GDI2: variants seen among roughly 807,000 people sequenced by gnomAD.
The protein encoded by GDI2 is rab GDP dissociation inhibitor beta.
Under a neutral mutation model 54.2 loss-of-function variants are expected in GDI2, and 22 were observed. The ratio of observed to expected loss-of-function variants is 0.41; its 90% CI spans 0.29 to 0.58. GDI2 has a LOEUF of 0.58. Among genes scored for constraint, GDI2 ranks in the 20% least tolerant of loss-of-function variants. The pLI, the probability that GDI2 is intolerant of heterozygous loss-of-function variation, is 0.35. For missense variants in GDI2, 422 were observed against 546.0 expected (o/e 0.77, Z 2.26); for synonymous variants, 177 against 182.1 (o/e 0.97, Z 0.23).
rs1588968377 is a variant in GDI2, at chr10:5,774,024, C to G, written c.720-83G>C. The G allele has an allele frequency of 1.5e-6, 1 of 652,270 alleles. No homozygotes were observed. The highest frequency in any genetic ancestry group is 2.7e-6 in the Non-Finnish European group (1 of 372,362). 40.4% of individuals were successfully genotyped at this position (652,270 alleles called of 1,614,324 possible). A position where few individuals can be genotyped will look rare whatever the true frequency, so the allele number is the denominator to read the frequency against. On this transcript the variant is annotated intron_variant, in intron 6 of 10. Coordinates refer to ENST00000380191, the MANE Select transcript of GDI2 (RefSeq NM_001494.4). This position sits in a 1 kb window ranked among gnomAD's most constrained non-coding sequence, Gnocchi z 4.8. ...CCCTTTCTTAGATCTTAATGAGTTA[C>G]AGACAATATACATTTGTTCAATTTC...
chr10:5,794,187 AAATATAT>A (rs1381388315), intron 4 of GDI2, among the ~76,000 whole-genome samples: 955 of 40,182 alleles, frequency 0.024, 4 homozygotes, highest in Non-Finnish European at 0.027. Flanking sequence ...AAAAAAAAAA[AAATATAT>A]ATATATATAT....
At chr10:5,785,746 T>C (rs1428776408) in intron 5 of GDI2, 106 bp downstream of exon 5, 9 of 705,174 alleles carry the variant, frequency 1.3e-5, no homozygotes, top group Admixed American at 2.4e-5. Flanking sequence ...TCATTCATAG[T>C]GCAATATGGC....
At chr10:5,783,154 T>C (rs1840799438) in intron 6 of GDI2, among the ~76,000 whole-genome samples, 1 of 152,188 alleles carries the variant, frequency 6.6e-6, no homozygotes, top group Admixed American at 6.5e-5. Flanking sequence ...GAAAATGTTC[T>C]ATACCTTCAC....
chr10:5,812,814 G>A (rs1017410136), intron 1 of GDI2, among the ~76,000 whole-genome samples: 1 of 152,232 alleles, frequency 6.6e-6, no homozygotes, highest in Non-Finnish European at 1.5e-5. Context: ...CAACCGCGAG[G>A]CCTGCACCGT....
intron 1 of GDI2, among the ~76,000 whole-genome samples, chr10:5,809,060 T>C (rs766331252): frequency 3.3e-5 from 5 of 151,902 alleles, no homozygotes; most frequent in Non-Finnish European, 7.4e-5. Context: ...GCCTGATCAA[T>C]ATGGTGAAAC....
At position 5,768,403 on chromosome 10, in the gene GDI2, G is replaced by GAAGA; in HGVS notation, c.820-23_820-20dup. ...GAGCAATCTATAACAAAGCATTTAA[G>GAAGA]AAGACACTGAAGCGGACAAGGATAT... On this transcript the variant is annotated intron_variant, in intron 7 of 10. Transcript: ENST00000380191. The surrounding 1 kb of genome is among the most constrained non-coding windows in gnomAD (Gnocchi z 4.4). 6.6e-7 allele frequency: 1 copy of GAAGA among 1,519,870 alleles called. No individual in the cohort carries two copies. The allele number at this position is 1,519,870 out of a possible 1,614,324, so 94.1% of individuals were successfully genotyped here.
rs574714654 is a variant in GDI2, at chr10:5,779,203, G to A, written c.720-5262C>T. ...TGTACTCAAAACAGTCAAGTAAATA[G>A]AGAATATCACAAAAATGAAAACTAT... is the stretch of plus-strand genomic sequence containing the variant. On this transcript the variant is annotated intron_variant, in intron 6 of 10. Coordinates refer to ENST00000380191, the MANE Select transcript of GDI2 (RefSeq NM_001494.4). Among the ~76,000 whole-genome samples the A allele has an allele frequency of 2.6e-5, 4 of 152,222 alleles. No individual in the cohort carries two copies. In the East Asian group the frequency reaches 7.7e-4, roughly 29 times the overall value.
chr10:5,789,687 T>C (rs558707821), intron 4 of GDI2, among the ~76,000 whole-genome samples: 2 of 152,316 alleles, frequency 1.3e-5, no homozygotes, highest in African/African-American at 4.8e-5. Context: ...CTAAAATATA[T>C]GTAGATATTA....
chr10:5,780,101 C>G (rs1840717893), intron 6 of GDI2, among the ~76,000 whole-genome samples: 1 of 151,620 alleles, frequency 6.6e-6, no homozygotes, highest in African/African-American at 2.4e-5. Flanking sequence ...CCCTACTACT[C>G]AAGAGGCTGA....
At chr10:5,799,103 A>C (rs1841209196) in intron 2 of GDI2, among the ~76,000 whole-genome samples, 4 of 152,214 alleles carry the variant, frequency 2.6e-5, no homozygotes, top group Admixed American at 2.6e-4. Flanking sequence ...ACACTTTGGG[A>C]AACCAAGGTA....
In GDI2 at chr10:5,765,354, A is replaced by T. The variant is rs1352645265; in HGVS notation, c.*652T>A. 6.5e-6 allele frequency: 1 copy of T among 152,738 alleles called. No individual in the cohort carries two copies. Among genetic ancestry groups the T allele is most frequent in the Non-Finnish European group, 1.5e-5 (1 of 68,098 alleles). 9.5% of individuals were successfully genotyped at this position (152,738 alleles called of 1,614,324 possible). On this transcript the variant is annotated 3_prime_UTR_variant, in exon 11 of 11. Coordinates refer to ENST00000380191, the MANE Select transcript of GDI2 (RefSeq NM_001494.4). ...ACTGAAGAAGCCACGCCTGAGATAC[A>T]AAAGATGCACTACACTTGACCCGCT...
At chr10:5,773,814 A>C in intron 7 of GDI2, 28 bp downstream of exon 7, 1 of 934,522 alleles carries the variant, frequency 1.1e-6, no homozygotes, top group South Asian at 1.4e-5. Flanking sequence ...AGAACATAGT[A>C]ATTTTTTTCA....
chr10:5,788,832 G>A (rs570141883), intron 4 of GDI2, among the ~76,000 whole-genome samples: 22 of 151,766 alleles, frequency 1.4e-4, no homozygotes, highest in Admixed American at 4.6e-4. Context: ...GCGCGATTTC[G>A]GCTCACTGCA....
intron 1 of GDI2, among the ~76,000 whole-genome samples, chr10:5,810,580 G>A (rs1368564999): frequency 6.6e-6 from 1 of 152,172 alleles, no homozygotes; most frequent in African/African-American, 2.4e-5. Flanking sequence ...CAAAGCTGGC[G>A]GGGTCTTCAT....
At chr10:5,811,893 A>T in intron 1 of GDI2, 1 of 1,134,680 alleles carries the variant, frequency 8.8e-7, no homozygotes, top group Non-Finnish European at 1.2e-6. Flanking sequence ...AAAATTAGCC[A>T]AATAAAAGTT....
chr10:5,771,604 T>TAGAGTA lies in GDI2; in HGVS notation c.819+2237_819+2238insTACTCT, dbSNP rs1840490163. Among the ~76,000 whole-genome samples, 4 of 151,734 alleles carry TAGAGTA rather than the reference T, an allele frequency of 2.6e-5. No individual in the cohort carries two copies. In the South Asian group the frequency reaches 8.3e-4, roughly 32 times the overall value. On this transcript the variant is annotated intron_variant, in intron 7 of 10. Transcript: ENST00000380191. ...GGGTGTCCTGACAAAAAATAAATGC[T>TAGAGTA]CAGTAAATGTACTCTACATAGACTA...
intron 6 of GDI2, among the ~76,000 whole-genome samples, chr10:5,780,030 T>A (rs1429698685): frequency 6.6e-6 from 1 of 151,880 alleles, no homozygotes; most frequent in Non-Finnish European, 1.5e-5. Context: ...GGCAACATGG[T>A]GAGACTCCAT....
chr10:5,813,424 A>G lies in GDI2; in HGVS notation c.-166T>C. On this transcript the variant is annotated 5_prime_UTR_variant, in exon 1 of 11. Coordinates refer to ENST00000380191, the MANE Select transcript of GDI2 (RefSeq NM_001494.4). Reference sequence around the variant, plus strand: ...AGACCGACCGCCACCTCAGACGGGAAGAGAAGAACTGGGCGGGGAGAGGAG... The same window carrying G: ...AGACCGACCGCCACCTCAGACGGGAGGAGAAGAACTGGGCGGGGAGAGGAG... 2.9e-6 allele frequency: 1 copy of G among 342,860 alleles called. No individual in the cohort carries two copies. The highest frequency in any genetic ancestry group is 5.6e-6 in the Non-Finnish European group (1 of 180,096). 21.2% of individuals were successfully genotyped at this position (342,860 alleles called of 1,614,324 possible). A position where few individuals can be genotyped will look rare whatever the true frequency, so the allele number is the denominator to read the frequency against.
At position 5,795,632 on chromosome 10, in the gene GDI2, A is replaced by C. The variant is rs951932426; in HGVS notation, c.254-613T>G. On this transcript the variant is annotated intron_variant, in intron 3 of 10. Transcript: ENST00000380191. ...AATTTATTAGAGATATGAGGTTTGG[A>C]ATTATAGTATTATTGGCCAGGCACA... 3.2e-4 allele frequency among the ~76,000 whole-genome samples: 49 copies of C among 152,066 alleles called. 1 individual carries two copies. The highest frequency in any genetic ancestry group is 1.5e-4 in the Non-Finnish European group (10 of 68,026).
Sources: allele counts gnomAD v4.1 joint callset (sites outside exome capture counted in the v4.1 genomes callset), GRCh38; gene constraint gnomAD v4.1.1; non-coding constraint Gnocchi (gnomAD v3.1); transcripts MANE v1.5; gene names NCBI Gene and HGNC (gene_info 2026-07-23, HGNC 2026-07-21).